TPRA1: variants seen among roughly 807,000 people sequenced by gnomAD.
The protein encoded by TPRA1 is transmembrane protein adipocyte-associated 1.
TPRA1 carries 28 observed loss-of-function variants against 40.1 expected under a neutral mutation model. The ratio of observed to expected loss-of-function variants is 0.70; its 90% confidence interval spans 0.52 to 0.96. The LOEUF (loss-of-function observed/expected upper bound fraction) is 0.96. Among genes scored for constraint, TPRA1 ranks in the 40% least tolerant of loss-of-function variants. The pLI, the probability that TPRA1 is intolerant of heterozygous loss-of-function variation, is 0.00. For missense variants in TPRA1, 441 were observed against 482.6 expected, an observed-to-expected ratio of 0.91 and a Z score of 0.81; for synonymous variants, 219 against 209.7, an observed-to-expected ratio of 1.04 and a Z score of -0.38.
intron 1 of TPRA1, among the ~76,000 whole-genome samples, chr3:127,595,998 C>T (rs1201482052): frequency 6.6e-6 from 1 of 152,166 alleles, no homozygotes; most frequent in African/African-American, 2.4e-5. Flanking sequence ...AGAAGAGGCA[C>T]CCAGTGGCAT....
chr3:127,583,173 C>A (rs1165735758), intron 1 of TPRA1, among the ~76,000 whole-genome samples: 3 of 149,894 alleles, frequency 2.0e-5, no homozygotes, highest in Non-Finnish European at 4.4e-5. Flanking sequence ...ATTAGCCAGG[C>A]ATGGTGGTGC....
intron 3 of TPRA1, 68 bp from the exon 4 acceptor site, chr3:127,577,144 C>A: frequency 6.6e-7 from 1 of 1,518,182 alleles, no homozygotes; most frequent in Non-Finnish European, 9.1e-7. Context: ...GGCAGCAAGC[C>A]CACCCCCATA....
chr3:127,594,983 G>A (rs977265731), upstream of TPRA1: 3 of 152,374 alleles, frequency 2.0e-5, no homozygotes, highest in African/African-American at 7.2e-5. Context: ...AGTCCAGCAT[G>A]ACTGTTGGCT....
chr3:127,590,644 G>A lies in TPRA1; in HGVS notation c.-252C>T, dbSNP rs770231465. The A allele has an allele frequency of 2.0e-5, 3 of 152,222 alleles. No homozygotes were observed. Among genetic ancestry groups the A allele is most frequent in the Non-Finnish European group, 4.4e-5 (3 of 68,054 alleles). 9.4% of individuals were successfully genotyped at this position (152,222 alleles called of 1,614,324 possible). On this transcript the variant is annotated 5_prime_UTR_variant, in exon 1 of 11. Transcript: ENST00000355552. ...AGCTCGCCGGGCCGCGGGTCTCGCG[G>A]ACACCCTGCAGCCCTTCCCGACAGC...
Position 127,576,135 on chromosome 3 carries a change from A to T in TPRA1, c.499-85T>A. The T allele has an allele frequency of 9.3e-7, 1 of 1,076,510 alleles. No individual in the cohort carries two copies. Among genetic ancestry groups the T allele is most frequent in the South Asian group, 1.3e-5 (1 of 74,680 alleles). 66.7% of individuals were successfully genotyped at this position (1,076,510 alleles called of 1,614,324 possible). A position where few individuals can be genotyped will look rare whatever the true frequency, so the allele number is the denominator to read the frequency against. On this transcript the variant is annotated intron_variant, in intron 6 of 10. Transcript: ENST00000355552. This position sits in a 1 kb window ranked among gnomAD's most constrained non-coding sequence, Gnocchi z 4.6. The stretch of plus-strand genomic sequence containing the variant: ...GGCTTTCCCTGATGCAAAGCCCCCT[A>T]AGCTCTCCACCACACCAAGTTCAGC...
chr3:127,591,868 A>G (rs2074175974), upstream of TPRA1: 1 of 152,180 alleles, frequency 6.6e-6, no homozygotes, highest in Non-Finnish European at 1.5e-5. Flanking sequence ...CTCAGTTATT[A>G]CAGGCACCCC....
upstream of TPRA1, among the ~76,000 whole-genome samples, chr3:127,594,596 T>G (rs902872749): frequency 7.9e-5 from 12 of 152,138 alleles, no homozygotes; most frequent in Non-Finnish European, 1.8e-4. Context: ...TGTCAGGCCC[T>G]CTAATATGTA....
rs534988982 is a variant in TPRA1, at chr3:127,573,299, A to G, written c.*222T>C. 4 of 563,200 alleles carry G rather than the reference A, an allele frequency of 7.1e-6. No homozygotes were observed. The highest frequency in any genetic ancestry group is 5.6e-5 in the South Asian group (2 of 35,700). The allele number at this position is 563,200 out of a possible 1,614,324, so 34.9% of individuals were successfully genotyped here. A position where few individuals can be genotyped will look rare whatever the true frequency, so the allele number is the denominator to read the frequency against. On this transcript the variant is annotated 3_prime_UTR_variant, in exon 11 of 11. Transcript: ENST00000355552. ...AGCCTGGGCCATGTCACTGAGCAGTATGAGAGCAGGTGGGAAGGGGAGGAG... is the reference window on the plus strand; with the variant it reads ...AGCCTGGGCCATGTCACTGAGCAGTGTGAGAGCAGGTGGGAAGGGGAGGAG...
chr3:127,583,879 C>G (rs887928125), intron 1 of TPRA1, among the ~76,000 whole-genome samples: 2 of 151,952 alleles, frequency 1.3e-5, no homozygotes, highest in African/African-American at 4.8e-5. Context: ...TCACGTTGGC[C>G]AGGATGGTCT....
chr3:127,588,469 G>A (rs1179144767), intron 1 of TPRA1, among the ~76,000 whole-genome samples: 1 of 147,088 alleles, frequency 6.8e-6, no homozygotes, highest in East Asian at 2.0e-4. Context: ...CACCTAGGCT[G>A]GAGTGCAATG....
Position 127,580,129 on chromosome 3 carries a change from C to T in TPRA1, c.18G>A (p.Glu6=). The T allele has an allele frequency of 6.2e-7, 1 of 1,613,184 alleles. No individual in the cohort carries two copies. ...CTGTGCTCCCATTGGCCCAAGTCACCTCCTCCAGGGTGTCCATCCCGCCAG... is the reference window on the plus strand; with the variant it reads ...CTGTGCTCCCATTGGCCCAAGTCACTTCCTCCAGGGTGTCCATCCCGCCAG... MDTLE[E]VTWANGSTAL... is the part of the protein sequence containing the mutation. Residue 6 remains glutamate (E), a synonymous_variant, in exon 2 of 11, where the codon GAG becomes GAA. Coordinates refer to ENST00000355552, the MANE Select transcript of TPRA1 (RefSeq NM_001136053.4).
At chr3:127,583,140 C>T (rs1240537680) in intron 1 of TPRA1, among the ~76,000 whole-genome samples, 2 of 136,234 alleles carry the variant, frequency 1.5e-5, no homozygotes, top group Non-Finnish European at 3.1e-5. Flanking sequence ...AGCAAGACTC[C>T]GTCTCAAAAA....
rs772229818 is a variant in TPRA1, at chr3:127,576,865, AG to A, written c.373del (p.Leu125CysfsTer6). 9 of 1,613,718 alleles carry A rather than the reference AG, an allele frequency of 5.6e-6. No individual in the cohort carries two copies. The South Asian group carries it at 8.8e-5, about 16-fold the overall frequency. ...KILWEITRFF[L>X]LAIELSVIIL... ...GATCACACTCAGCTCGATGGCCAGC[AG>A]GAAGAAGCGGGTGATCTCCCACAGG... On this transcript the variant is annotated frameshift_variant, in exon 5 of 11. Coordinates refer to ENST00000355552, the MANE Select transcript of TPRA1 (RefSeq NM_001136053.4). LOFTEE classifies it high-confidence loss of function. This position sits in a 1 kb window ranked among gnomAD's most constrained non-coding sequence, Gnocchi z 4.6.
In TPRA1 at chr3:127,576,086, A is replaced by G. The variant is rs746622177; in HGVS notation, c.499-36T>C. ...AAGCAGGAAGGGAGGAAGGGAGAGG[A>G]TCTCAAGGCTTCTCTCTCCCAGGGG... On this transcript the variant is annotated intron_variant, in intron 6 of 10. Transcript: ENST00000355552. This position sits in a 1 kb window ranked among gnomAD's most constrained non-coding sequence, Gnocchi z 4.6. 3.9e-6 allele frequency: 6 copies of G among 1,527,836 alleles called. No individual in the cohort carries two copies. Among genetic ancestry groups the G allele is most frequent in the South Asian group, 1.1e-5 (1 of 88,730 alleles). 94.6% of individuals were successfully genotyped at this position (1,527,836 alleles called of 1,614,324 possible).
upstream of TPRA1, among the ~76,000 whole-genome samples, chr3:127,593,903 C>A (rs1374834223): frequency 6.6e-6 from 1 of 152,222 alleles, no homozygotes; most frequent in Non-Finnish European, 1.5e-5. Flanking sequence ...CAACAATACA[C>A]ACATATGGTC....
At chr3:127,584,022 G>A (rs1285924531) in intron 1 of TPRA1, among the ~76,000 whole-genome samples, 1 of 151,856 alleles carries the variant, frequency 6.6e-6, no homozygotes, top group East Asian at 1.9e-4. Context: ...CTGGGTGCCA[G>A]GCACAAGTCT....
chr3:127,594,857 G>A (rs1285420072), upstream of TPRA1: 1 of 152,436 alleles, frequency 6.6e-6, no homozygotes, highest in African/African-American at 2.4e-5. Flanking sequence ...GCTACAGATG[G>A]TGGAACCAGA....
chr3:127,572,603 T>C lies in TPRA1; in HGVS notation c.*918A>G, dbSNP rs1408923233. Among the ~76,000 whole-genome samples, 1 of 152,254 alleles carries C rather than the reference T, an allele frequency of 6.6e-6. No homozygotes were observed. Among genetic ancestry groups the C allele is most frequent in the Admixed American group, 6.5e-5 (1 of 15,292 alleles). On this transcript the variant is annotated 3_prime_UTR_variant, in exon 11 of 11. Coordinates refer to ENST00000355552, the MANE Select transcript of TPRA1 (RefSeq NM_001136053.4). ...GCCTACTATGTGCCAAGCACTATTCTTGAGGCTAAAAATAAGAGCTATCCT... is the reference window on the plus strand; with the variant it reads ...GCCTACTATGTGCCAAGCACTATTCCTGAGGCTAAAAATAAGAGCTATCCT...
chr3:127,580,007 T>A lies in TPRA1; in HGVS notation c.125+15A>T. Reference sequence around the variant, plus strand: ...TGACACTCAGCGAGCCTGCCCAGCGTTGTGACTGCCTCACCTGGAGGTGCC... The same window carrying A: ...TGACACTCAGCGAGCCTGCCCAGCGATGTGACTGCCTCACCTGGAGGTGCC... On this transcript the variant is annotated intron_variant, in intron 2 of 10. Transcript: ENST00000355552. 6.2e-7 allele frequency: 1 copy of A among 1,613,094 alleles called. No homozygotes were observed. Among genetic ancestry groups the A allele is most frequent in the Non-Finnish European group, 8.5e-7 (1 of 1,179,968 alleles).
Sources: allele counts gnomAD v4.1 joint callset (sites outside exome capture counted in the v4.1 genomes callset), GRCh38; gene constraint gnomAD v4.1.1; non-coding constraint Gnocchi (gnomAD v3.1); transcripts MANE v1.5; gene names NCBI Gene and HGNC (gene_info 2026-07-23, HGNC 2026-07-21).